The following KHDRBS2 variants were observed in gnomAD, a reference collection of about 807,000 sequenced individuals.
KHDRBS2 encodes KH RNA binding domain containing, signal transduction associated 2.
In KHDRBS2, 26 loss-of-function variants were observed where a neutral mutation model predicts 44.3. The ratio of observed to expected loss-of-function variants is 0.59; its 90% CI spans 0.43 to 0.81. The LOEUF (loss-of-function observed/expected upper bound fraction) is 0.81, where lower values mean the gene tolerates loss of function less well. Ranked by LOEUF, KHDRBS2 falls within the 40% of genes least tolerant of loss-of-function variation. The probability of loss-of-function intolerance (pLI) is 0.00; values close to 1 mark genes in which losing one functional copy is unlikely to be tolerated. For missense variants in KHDRBS2, 476 were observed against 433.1 expected, an observed-to-expected ratio of 1.10 and a Z score of -0.88; for synonymous variants, 194 against 151.1, an observed-to-expected ratio of 1.28 and a Z score of -2.08.
At chr6:61,601,967 T>C in the KHDRBS2 span, among the ~76,000 whole-genome samples, 1 of 152,068 alleles carries the variant, frequency 6.6e-6, no homozygotes, top group Non-Finnish European at 1.5e-5. Context: ...CTCTCCCAAA[T>C]CAGTTAGCAT....
intron 2 of KHDRBS2, among the ~76,000 whole-genome samples, chr6:62,107,793 A>G (rs1442023020): frequency 6.6e-6 from 1 of 152,186 alleles, no homozygotes; most frequent in Non-Finnish European, 1.5e-5. Flanking sequence ...AATGCCGCAT[A>G]TCTACAACTA....
intron 6 of KHDRBS2, among the ~76,000 whole-genome samples, chr6:61,801,449 T>A (rs1393305668): frequency 6.6e-6 from 1 of 152,188 alleles, no homozygotes; most frequent in Non-Finnish European, 1.5e-5. Flanking sequence ...AAGTAAAATT[T>A]AAGAAAATGT....
chr6:62,097,590 T>C (rs1800905532), intron 2 of KHDRBS2, among the ~76,000 whole-genome samples: 1 of 152,112 alleles, frequency 6.6e-6, no homozygotes, highest in Non-Finnish European at 1.5e-5. Context: ...TCTTCTTCTA[T>C]GATTTCACTT....
the KHDRBS2 span, among the ~76,000 whole-genome samples, chr6:61,555,428 A>T: frequency 6.6e-6 from 1 of 152,292 alleles, no homozygotes; most frequent in South Asian, 2.1e-4. Context: ...TATTCTTTAG[A>T]ATCCATGGAT....
At chr6:61,743,483 T>A (rs1431906208) in intron 6 of KHDRBS2, among the ~76,000 whole-genome samples, 1 of 152,126 alleles carries the variant, frequency 6.6e-6, no homozygotes, top group Non-Finnish European at 1.5e-5. Flanking sequence ...ACTTTTTAAA[T>A]AATTTCGTTA....
chr6:61,734,278 A>T (rs1198001095), intron 6 of KHDRBS2, among the ~76,000 whole-genome samples: 3 of 152,050 alleles, frequency 2.0e-5, no homozygotes, highest in Non-Finnish European at 4.4e-5. Context: ...ATTAGTTGCT[A>T]TTGAGTTAAA....
At chr6:61,934,487 T>C (rs1810671902) in intron 4 of KHDRBS2, among the ~76,000 whole-genome samples, 1 of 152,168 alleles carries the variant, frequency 6.6e-6, no homozygotes. Context: ...ATTGTCAGTC[T>C]AGGATACTTA....
chr6:61,915,425 C>T (rs1334842139), intron 4 of KHDRBS2, among the ~76,000 whole-genome samples: 11 of 152,020 alleles, frequency 7.2e-5, no homozygotes, highest in Non-Finnish European at 2.9e-5. Context: ...CTCAAGGTGT[C>T]GCCATAAGAT....
intron 2 of KHDRBS2, among the ~76,000 whole-genome samples, chr6:62,063,397 C>G (rs950260460): frequency 2.0e-5 from 3 of 151,200 alleles, no homozygotes; most frequent in African/African-American, 7.3e-5. Context: ...ACTGGCAAAC[C>G]GAATCCAGCA....
intron 2 of KHDRBS2, among the ~76,000 whole-genome samples, chr6:62,048,992 CT>C (rs912380817): frequency 6.6e-6 from 1 of 151,158 alleles, no homozygotes; most frequent in Non-Finnish European, 1.5e-5. Flanking sequence ...CTTCTCTTCT[CT>C]TTTTTCTTTC....
chr6:61,704,106 G>T (rs1222723712), intron 7 of KHDRBS2, among the ~76,000 whole-genome samples: 1 of 151,826 alleles, frequency 6.6e-6, no homozygotes, highest in Non-Finnish European at 1.5e-5. Flanking sequence ...GAAACTAGCT[G>T]CATGTGTCTT....
intron 6 of KHDRBS2, among the ~76,000 whole-genome samples, chr6:61,766,017 C>T (rs1042773929): frequency 9.9e-5 from 15 of 151,874 alleles, no homozygotes; most frequent in Non-Finnish European, 1.2e-4. Flanking sequence ...GGAAGTCTTC[C>T]GTCCTCTATT....
At chr6:61,583,949 A>G in the KHDRBS2 span, among the ~76,000 whole-genome samples, 4 of 151,520 alleles carry the variant, frequency 2.6e-5, no homozygotes, top group African/African-American at 4.8e-5. Flanking sequence ...ATATTTTTGC[A>G]TAACTGTTTA....
chr6:62,154,203 A>G (rs1268739134), intron 2 of KHDRBS2, among the ~76,000 whole-genome samples: 1 of 152,196 alleles, frequency 6.6e-6, no homozygotes, highest in Non-Finnish European at 1.5e-5. Context: ...AGGTGGGCAT[A>G]GCAGTGAAAT....
At chr6:62,247,099 G>GCAAA (rs1249972026) in intron 1 of KHDRBS2, among the ~76,000 whole-genome samples, 1 of 151,782 alleles carries the variant, frequency 6.6e-6, no homozygotes, top group Admixed American at 6.6e-5. Context: ...GTAACTCTTT[G>GCAAA]GTCTCACACC....
chr6:61,652,959 A>G, the KHDRBS2 span, among the ~76,000 whole-genome samples: 1 of 152,128 alleles, frequency 6.6e-6, no homozygotes, highest in South Asian at 2.1e-4. Flanking sequence ...TGGGTAGAAT[A>G]AACAGATGCA....
intron 6 of KHDRBS2, among the ~76,000 whole-genome samples, chr6:61,860,483 G>C (rs1796768931): frequency 6.6e-6 from 1 of 151,922 alleles, no homozygotes; most frequent in South Asian, 2.1e-4. Flanking sequence ...TTGTTTTTCT[G>C]TTCCTGCATT....
intron 1 of KHDRBS2, among the ~76,000 whole-genome samples, chr6:62,219,762 T>G (rs1830572740): frequency 6.7e-6 from 1 of 149,242 alleles, no homozygotes; most frequent in Non-Finnish European, 1.5e-5. Context: ...ATCTTTAATT[T>G]ATTTTCAAGT....
chr6:61,655,793 A>T, the KHDRBS2 span, among the ~76,000 whole-genome samples: 2 of 152,132 alleles, frequency 1.3e-5, no homozygotes, highest in Non-Finnish European at 2.9e-5. Context: ...CATTTCACAC[A>T]TCAGAAAATC....
Sources: allele counts gnomAD v4.1 joint callset (sites outside exome capture counted in the v4.1 genomes callset), GRCh38; gene constraint gnomAD v4.1.1; transcripts MANE v1.5; gene names NCBI Gene and HGNC (gene_info 2026-07-23, HGNC 2026-07-21).